The following EIF4A3 variants were observed in gnomAD, a reference collection of about 807,000 sequenced individuals.
The protein encoded by EIF4A3 is eukaryotic initiation factor 4A-III.
EIF4A3 carries 1 observed loss-of-function variant against 55.6 expected under a neutral mutation model. The ratio of observed to expected loss-of-function variants is 0.02; its 90% CI spans 0.01 to 0.09. EIF4A3 has a LOEUF of 0.09. Ranked by LOEUF, EIF4A3 falls within the 10% of genes least tolerant of loss-of-function variation. EIF4A3 has a pLI of 1.00. For synonymous variants in EIF4A3, 194 were observed against 196.3 expected, an observed-to-expected ratio of 0.99 and a Z score of 0.10; for missense variants, 221 against 540.7, an observed-to-expected ratio of 0.41 and a Z score of 5.86.
chr17:80,139,234 T>C, intron 6 of EIF4A3, 72 bp from the exon 7 acceptor site: 1 of 1,580,442 alleles, frequency 6.3e-7, no homozygotes, highest in Non-Finnish European at 8.6e-7. Context: ...GCACGCCCAG[T>C]GTTCCCACTG....
chr17:80,137,100 G>T, intron 9 of EIF4A3: 1 of 286,136 alleles, frequency 3.5e-6, no homozygotes. Context: ...TAATCGAAAC[G>T]ATGAACAGAA....
intron 9 of EIF4A3, chr17:80,136,669 A>C: frequency 3.8e-6 from 1 of 265,182 alleles, no homozygotes; most frequent in East Asian, 8.2e-5. Flanking sequence ...AAAAATTAAA[A>C]ACGGTAACTT....
chr17:80,139,289 C>G, intron 6 of EIF4A3, 127 bp from the exon 7 acceptor site: 2 of 1,285,688 alleles, frequency 1.6e-6, no homozygotes, highest in Non-Finnish European at 2.1e-6. Flanking sequence ...CAGGAAATCT[C>G]ATTTTTACAG....
chr17:80,135,432 T>A lies in EIF4A3; in HGVS notation c.*58A>T. 1.3e-6 allele frequency: 2 copies of A among 1,525,256 alleles called. No homozygotes were observed. Among genetic ancestry groups the A allele is most frequent in the Non-Finnish European group, 1.8e-6 (2 of 1,139,354 alleles). The allele number at this position is 1,525,256 out of a possible 1,614,324, so 94.5% of individuals were successfully genotyped here. A position where few individuals can be genotyped will look rare whatever the true frequency, so the allele number is the denominator to read the frequency against. ...TTAAGTAGAATCTGGATCTAAATAC[T>A]TCCAAACAGGAGTACACAGCAGGTG... On this transcript the variant is annotated 3_prime_UTR_variant, in exon 12 of 12. Coordinates refer to ENST00000649764, the MANE Select transcript of EIF4A3 (RefSeq NM_014740.4).
rs558452388 is a variant in EIF4A3, at chr17:80,134,640, A to T, written c.*850T>A. Among the ~76,000 whole-genome samples the T allele has an allele frequency of 2.0e-5, 3 of 152,164 alleles. No individual in the cohort carries two copies. Among genetic ancestry groups the T allele is most frequent in the African/African-American group, 7.2e-5 (3 of 41,438 alleles). ...TGAGTGACAGACCAGCCTAGGCCAC[A>T]AAGTGAGACCCTGTCTCTACAAAAA... is the stretch of plus-strand genomic sequence containing the variant. On this transcript the variant is annotated 3_prime_UTR_variant, in exon 12 of 12. Transcript: ENST00000649764.
In EIF4A3 at chr17:80,140,153, A is replaced by T. The variant is rs753396133; in HGVS notation, c.373-13T>A. ...GAGCAAGCAGCCCCTGAAACAAAGC[A>T]CAGGTTCACGTCCAGGGTGGGAGAG... On this transcript the variant is annotated splice_polypyrimidine_tract_variant and intron_variant, in intron 4 of 11. Transcript: ENST00000649764. 2.5e-6 allele frequency: 4 copies of T among 1,585,234 alleles called. No homozygotes were observed. Among genetic ancestry groups the T allele is most frequent in the Non-Finnish European group, 2.6e-6 (3 of 1,163,162 alleles).
At position 80,135,190 on chromosome 17, in the gene EIF4A3, G is replaced by T; in HGVS notation, c.*300C>A. 1 of 325,104 alleles carries T rather than the reference G, an allele frequency of 3.1e-6. No homozygotes were observed. The highest frequency in any genetic ancestry group is 4.9e-5 in the Admixed American group (1 of 20,544). 20.1% of individuals were successfully genotyped at this position (325,104 alleles called of 1,614,324 possible). A position where few individuals can be genotyped will look rare whatever the true frequency, so the allele number is the denominator to read the frequency against. On this transcript the variant is annotated 3_prime_UTR_variant, in exon 12 of 12. Coordinates refer to ENST00000649764, the MANE Select transcript of EIF4A3 (RefSeq NM_014740.4). ...AAAGAAAAGAAAAAAAGAAAAGTGA[G>T]TGAAATGACCCAAGACTACACAGTA...
intron 5 of EIF4A3, 89 bp downstream of exon 5, chr17:80,139,919 G>T: frequency 6.4e-7 from 1 of 1,551,736 alleles, no homozygotes. Flanking sequence ...CTACCGTGCG[G>T]CCTACCAAAT....
chr17:80,143,704 C>A (rs529859851), intron 2 of EIF4A3, among the ~76,000 whole-genome samples: 1 of 152,126 alleles, frequency 6.6e-6, no homozygotes, highest in Non-Finnish European at 1.5e-5. Flanking sequence ...CTTGGCCGGG[C>A]GCAGTAACTC....
At chr17:80,138,807 C>A in intron 7 of EIF4A3, 1 of 600,318 alleles carries the variant, frequency 1.7e-6, no homozygotes, top group Non-Finnish European at 2.8e-6. Context: ...TGTTGCCCAG[C>A]CTATTTGGTT....
intron 1 of EIF4A3, 117 bp downstream of exon 1, chr17:80,146,676 A>G: frequency 1.6e-6 from 2 of 1,287,844 alleles, no homozygotes; most frequent in Admixed American, 5.4e-5. Flanking sequence ...CCGAGCCTCG[A>G]CCCTGACCAC....
rs557159855 is a variant in EIF4A3, at chr17:80,141,818, G to A, written c.273C>T (p.Thr91=). 4 of 1,614,070 alleles carry A rather than the reference G, an allele frequency of 2.5e-6. No homozygotes were observed. In the Admixed American group the frequency reaches 6.7e-5, roughly 27 times the overall value. The change falls in exon 3 of 12, where the codon ACC becomes ACT. Residue 91 remains threonine, a synonymous_variant. Transcript: ENST00000649764. ...QSQSGTGKTA[T]FSISVLQCLD... ...AACACTGGAGGACTGAGATACTGAA[G>A]GTGGCTGTTTTTCCTGTGCCGGACT...
chr17:80,136,989 A>T (rs57674596), intron 9 of EIF4A3: 3,610 of 165,030 alleles, frequency 0.022, 148 homozygotes, highest in African/African-American at 0.082. Context: ...CACAGCACAT[A>T]TGTTAAGCTG....
At chr17:80,139,872 T>G in intron 5 of EIF4A3, 122 bp from the exon 6 acceptor site, 1 of 1,490,032 alleles carries the variant, frequency 6.7e-7, no homozygotes, top group Non-Finnish European at 9.1e-7. Context: ...CCAGAGACCT[T>G]CCCTCTACCT....
rs549332992 is a variant in EIF4A3, at chr17:80,139,657, T to C, written c.586+13A>G. On this transcript the variant is annotated intron_variant, in intron 6 of 11. Coordinates refer to ENST00000649764, the MANE Select transcript of EIF4A3 (RefSeq NM_014740.4). ...TTATGTCAGTAGAAGAGTAATTCTT[T>C]TGTTGCTCATACCTTTATTCAACAT... 10 of 1,608,088 alleles carry C rather than the reference T, an allele frequency of 6.2e-6. No homozygotes were observed. The East Asian group carries it at 1.6e-4, about 25-fold the overall frequency.
chr17:80,138,506 G>T, intron 7 of EIF4A3: 1 of 514,752 alleles, frequency 1.9e-6, no homozygotes, highest in East Asian at 3.0e-5. Context: ...CATGGAATAC[G>T]ATTCTAAACG....
At chr17:80,136,448 G>C in intron 9 of EIF4A3, 113 bp from the exon 10 acceptor site, 1 of 776,490 alleles carries the variant, frequency 1.3e-6, no homozygotes. Flanking sequence ...AAATATACGA[G>C]ATTCTCCTCT....
At chr17:80,142,843 A>G (rs1483997250) in intron 2 of EIF4A3, among the ~76,000 whole-genome samples, 1 of 152,174 alleles carries the variant, frequency 6.6e-6, no homozygotes, top group African/African-American at 2.4e-5. Context: ...GTTTGAGAGC[A>G]GCCTGGGCAA....
intron 10 of EIF4A3, 34 bp from the exon 11 acceptor site, chr17:80,136,165 T>C (rs1020032646): frequency 2.5e-6 from 4 of 1,613,590 alleles, no homozygotes; most frequent in Non-Finnish European, 3.4e-6. Flanking sequence ...AGTTAGTATA[T>C]ATAACAATCA....
Sources: gnomAD v4.1 joint callset for allele counts (sites outside exome capture counted in the v4.1 genomes callset) on GRCh38, gnomAD v4.1.1 for gene constraint, MANE v1.5 for transcripts, NCBI Gene and HGNC (gene_info 2026-07-23, HGNC 2026-07-21) for gene names.